KCNH7: variants seen among roughly 807,000 people sequenced by gnomAD.
KCNH7 encodes voltage-gated inwardly rectifying potassium channel KCNH7.
In KCNH7, 49 loss-of-function variants were observed where a neutral mutation model predicts 120.8. The ratio of observed to expected loss-of-function variants is 0.41; its 90% CI spans 0.32 to 0.51. The LOEUF is 0.51. KCNH7 is among the 20% of genes least tolerant of loss of function. KCNH7 has a pLI of 0.38. For synonymous variants in KCNH7, 547 were observed against 516.1 expected (o/e 1.06, Z -0.81); for missense variants, 1,097 against 1,446.6 (o/e 0.76, Z 3.92).
At chr2:162,640,841 C>T (rs1368152797) in intron 2 of KCNH7, among the ~76,000 whole-genome samples, 1 of 151,982 alleles carries the variant, frequency 6.6e-6, no homozygotes, top group Non-Finnish European at 1.5e-5. Flanking sequence ...GTGAAAGAAA[C>T]AAACAACCCA....
chr2:162,819,479 G>T (rs1189358901), intron 2 of KCNH7, among the ~76,000 whole-genome samples: 1 of 152,172 alleles, frequency 6.6e-6, no homozygotes, highest in Non-Finnish European at 1.5e-5. Flanking sequence ...GAAGGTTATA[G>T]GAGGGTTCAT....
At chr2:162,788,090 C>G (rs1683779842) in intron 2 of KCNH7, among the ~76,000 whole-genome samples, 1 of 151,850 alleles carries the variant, frequency 6.6e-6, no homozygotes, top group Non-Finnish European at 1.5e-5. Flanking sequence ...ATCATGGAAT[C>G]ATGACACCAA....
At chr2:162,805,765 G>C (rs1684517526) in intron 2 of KCNH7, among the ~76,000 whole-genome samples, 1 of 151,860 alleles carries the variant, frequency 6.6e-6, no homozygotes, top group Non-Finnish European at 1.5e-5. Context: ...GAAATTATAA[G>C]AAAAAGACAT....
intron 6 of KCNH7, among the ~76,000 whole-genome samples, chr2:162,459,007 A>AAATAATAATAATAAT (rs71009358): frequency 0.017 from 2,275 of 134,786 alleles, 26 homozygotes; most frequent in East Asian, 0.036. Context: ...TTCTGTTTCA[A>AAATAATAATAATAAT]AATAATAATA....
chr2:162,383,878 A>G (rs1238096005), intron 13 of KCNH7, among the ~76,000 whole-genome samples: 4 of 151,890 alleles, frequency 2.6e-5, no homozygotes, highest in African/African-American at 9.7e-5. Flanking sequence ...TTAAAGATGC[A>G]TAAACTGAGT....
chr2:162,698,568 A>G (rs1173087610), intron 2 of KCNH7, among the ~76,000 whole-genome samples: 3 of 152,060 alleles, frequency 2.0e-5, no homozygotes, highest in Non-Finnish European at 2.9e-5. Context: ...TCTAAGAATC[A>G]ACTGTGTTTG....
At chr2:162,526,214 A>G (rs1014585019) in intron 3 of KCNH7, among the ~76,000 whole-genome samples, 1 of 151,926 alleles carries the variant, frequency 6.6e-6, no homozygotes, top group Non-Finnish European at 1.5e-5. Context: ...CACAGAGATC[A>G]CATGCTTCAC....
chr2:162,466,969 G>A (rs1268458531), intron 6 of KCNH7, among the ~76,000 whole-genome samples: 1 of 152,186 alleles, frequency 6.6e-6, no homozygotes, highest in East Asian at 1.9e-4. Flanking sequence ...GTTCTTGAGG[G>A]AATGAGTGGA....
At chr2:162,769,524 C>A (rs1350931030) in intron 2 of KCNH7, among the ~76,000 whole-genome samples, 1 of 152,008 alleles carries the variant, frequency 6.6e-6, no homozygotes, top group Non-Finnish European at 1.5e-5. Context: ...CTTATAACAG[C>A]CTTCTATAGA....
chr2:162,519,826 C>T (rs1051512867), intron 3 of KCNH7, among the ~76,000 whole-genome samples: 10 of 151,764 alleles, frequency 6.6e-5, no homozygotes, highest in African/African-American at 2.4e-4. Flanking sequence ...ATTTAAATGT[C>T]ATAGACACCA....
At chr2:162,578,525 G>T (rs1166195731) in intron 2 of KCNH7, among the ~76,000 whole-genome samples, 3 of 151,994 alleles carry the variant, frequency 2.0e-5, no homozygotes, top group Admixed American at 6.6e-5. Flanking sequence ...TCAGTTCAGT[G>T]CTCAAGCAGG....
intron 9 of KCNH7, among the ~76,000 whole-genome samples, chr2:162,417,473 C>A (rs902067284): frequency 2.0e-5 from 3 of 152,102 alleles, no homozygotes; most frequent in African/African-American, 7.2e-5. Context: ...CAAATAGGAA[C>A]ATTATTTTAA....
chr2:162,770,237 T>G (rs77609567), intron 2 of KCNH7, among the ~76,000 whole-genome samples: 1,670 of 151,620 alleles, frequency 0.011, 24 homozygotes, highest in African/African-American at 0.038. Flanking sequence ...TTGAAGGAAT[T>G]TAGAGAACAG....
chr2:162,429,672 T>C (rs1050944467), intron 8 of KCNH7, among the ~76,000 whole-genome samples: 4 of 151,856 alleles, frequency 2.6e-5, no homozygotes, highest in African/African-American at 9.7e-5. Flanking sequence ...ATCAACATTA[T>C]CTTTTTCCTT....
chr2:162,562,615 T>C (rs1303380725), intron 2 of KCNH7, among the ~76,000 whole-genome samples: 2 of 152,210 alleles, frequency 1.3e-5, no homozygotes, highest in Non-Finnish European at 2.9e-5. Flanking sequence ...AACTTGCCTC[T>C]CACTGGGTCC....
At chr2:162,424,022 C>G (rs1382629872) in intron 8 of KCNH7, among the ~76,000 whole-genome samples, 1 of 152,086 alleles carries the variant, frequency 6.6e-6, no homozygotes, top group Non-Finnish European at 1.5e-5. Context: ...GAATAAAAAT[C>G]TATTATTAAA....
chr2:162,786,058 T>C (rs866061167), intron 2 of KCNH7, among the ~76,000 whole-genome samples: 1 of 151,976 alleles, frequency 6.6e-6, no homozygotes, highest in East Asian at 1.9e-4. Context: ...CTGACCAACA[T>C]TGTGAAACCC....
At chr2:162,468,263 C>A (rs1254056738) in intron 6 of KCNH7, among the ~76,000 whole-genome samples, 1 of 152,150 alleles carries the variant, frequency 6.6e-6, no homozygotes, top group East Asian at 1.9e-4. Context: ...AAGAAAAGTT[C>A]TGCAGCATTG....
intron 2 of KCNH7, among the ~76,000 whole-genome samples, chr2:162,694,387 T>A (rs2105333096): frequency 6.6e-6 from 1 of 152,138 alleles, no homozygotes; most frequent in East Asian, 1.9e-4. Context: ...AGTTCTATTT[T>A]ACTCTGGCAG....
Sources: gnomAD v4.1 joint callset for allele counts (sites outside exome capture counted in the v4.1 genomes callset) on GRCh38, gnomAD v4.1.1 for gene constraint, MANE v1.5 for transcripts, NCBI Gene and HGNC (gene_info 2026-07-23, HGNC 2026-07-21) for gene names.